KLHDC4: variants seen among roughly 807,000 people sequenced by gnomAD.
KLHDC4 encodes the protein kelch domain-containing protein 4.
In KLHDC4, 90 loss-of-function variants were observed where a neutral mutation model predicts 62.4. The ratio of observed to expected loss-of-function variants is 1.44; its 90% CI spans 1.22 to 1.72. The LOEUF (loss-of-function observed/expected upper bound fraction) is 1.72. Ranked by LOEUF, KLHDC4 falls within the 40% of genes most tolerant of loss-of-function variation. KLHDC4 has a pLI of 0.00. For missense variants in KLHDC4, 1,025 were observed against 699.7 expected (o/e 1.47, Z -5.25); for synonymous variants, 386 against 284.4 (o/e 1.36, Z -3.59).
At chr16:87,728,418 T>A (rs938329274) in intron 6 of KLHDC4, among the ~76,000 whole-genome samples, 8 of 152,204 alleles carry the variant, frequency 5.3e-5, no homozygotes, top group Non-Finnish European at 1.0e-4. Flanking sequence ...ATATTTTCTC[T>A]ATAAATGCAG....
At position 87,726,961 on chromosome 16, in the gene KLHDC4, A is replaced by G. The variant is rs371410291; in HGVS notation, c.600-37T>C. ...AACAGCAGCTGTCAGGGTCCGTAAC[A>G]TTGGGAAAAGCCCTGACATTAAAAA... On this transcript the variant is annotated intron_variant, in intron 6 of 11. Transcript: ENST00000270583. 1.1e-5 allele frequency: 18 copies of G among 1,607,452 alleles called. No homozygotes were observed. The African/African-American group carries it at 2.1e-4, about 19-fold the overall frequency.
intron 5 of KLHDC4, among the ~76,000 whole-genome samples, chr16:87,735,819 G>C (rs1264619411): frequency 6.6e-6 from 1 of 152,230 alleles, no homozygotes; most frequent in African/African-American, 2.4e-5. Flanking sequence ...TCGAGGCTCA[G>C]CAGCTGCGTG....
chr16:87,710,653 G>T (rs1456631993), intron 9 of KLHDC4: 1 of 152,984 alleles, frequency 6.5e-6, no homozygotes, highest in Non-Finnish European at 1.5e-5. Context: ...ACGAACCCGC[G>T]TGTTTTTCCA....
At chr16:87,719,994 C>T (rs1218597920) in intron 7 of KLHDC4, among the ~76,000 whole-genome samples, 1 of 152,236 alleles carries the variant, frequency 6.6e-6, no homozygotes, top group Non-Finnish European at 1.5e-5. Context: ...AGCCACATCC[C>T]CTGATGAGAC....
At chr16:87,698,261 C>CTGA (rs936608998) in exon 1 of KLHDC4, 5 of 152,294 alleles carry the variant, frequency 3.3e-5, no homozygotes, top group Admixed American at 1.3e-4. Context: ...TCATACATTT[C>CTGA]TGATAATGTC....
At chr16:87,749,231 T>C (rs1325632333) in intron 4 of KLHDC4, among the ~76,000 whole-genome samples, 3 of 152,020 alleles carry the variant, frequency 2.0e-5, no homozygotes, top group African/African-American at 7.2e-5. Flanking sequence ...CCAACTAAAT[T>C]AGCCTCAGAA....
intron 7 of KLHDC4, among the ~76,000 whole-genome samples, chr16:87,724,331 T>C (rs1203494236): frequency 6.6e-6 from 1 of 152,170 alleles, no homozygotes; most frequent in Non-Finnish European, 1.5e-5. Flanking sequence ...TCTTCCTGTA[T>C]CACAGACCGC....
chr16:87,737,215 G>T (rs1373473477), intron 5 of KLHDC4, among the ~76,000 whole-genome samples: 1 of 151,682 alleles, frequency 6.6e-6, no homozygotes, highest in African/African-American at 2.4e-5. Flanking sequence ...TGTTCTGGCT[G>T]TCAACACTGA....
intron 10 of KLHDC4, 183 bp from the exon 11 acceptor site, chr16:87,708,649 G>C (rs573709342): frequency 7.1e-5 from 31 of 434,658 alleles, no homozygotes; most frequent in Admixed American, 6.6e-4. Flanking sequence ...GTTCCCCTGG[G>C]CTTCAGGACA....
chr16:87,728,141 C>T (rs940789830), intron 6 of KLHDC4, among the ~76,000 whole-genome samples: 3 of 152,262 alleles, frequency 2.0e-5, no homozygotes, highest in Admixed American at 2.0e-4. Context: ...GAGCTGATCA[C>T]GCCACTGCAC....
At position 87,764,646 on chromosome 16, in the gene KLHDC4, C is replaced by CAAA. The variant is rs564692904; in HGVS notation, c.99+1143_99+1145dup. ...CTGGGCAACAAGAGTGAAACTCCTT[C>CAAA]AAAAAAAAAAAAAAAAAAAAAAAAA... On this transcript the variant is annotated intron_variant, in intron 1 of 11. Transcript: ENST00000270583. 1.1e-3 allele frequency among the ~76,000 whole-genome samples: 36 copies of CAAA among 33,836 alleles called. 4 individuals are homozygous for CAAA. The highest frequency in any genetic ancestry group is 1.6e-3 in the African/African-American group (16 of 9,902). The allele number at this position is 33,836 out of a possible 152,430, so 22.2% of individuals were successfully genotyped here. A position where few individuals can be genotyped will look rare whatever the true frequency, so the allele number is the denominator to read the frequency against.
chr16:87,730,718 CAAA>C lies in KLHDC4; in HGVS notation c.507-77_507-75del, dbSNP rs1597572148. On this transcript the variant is annotated intron_variant, in intron 5 of 11. Coordinates refer to ENST00000270583, the MANE Select transcript of KLHDC4 (RefSeq NM_017566.4). ...TTGTTCTAAAGACGACAACAACAAA[CAAA>C]ATCCAATTTTTACACTGATTTCTGT... The C allele has an allele frequency of 2.0e-5, 26 of 1,294,618 alleles. No homozygotes were observed. In the East Asian group the frequency reaches 6.1e-4, roughly 30 times the overall value. 80.2% of individuals were successfully genotyped at this position (1,294,618 alleles called of 1,614,324 possible).
At chr16:87,748,304 T>C (rs2043347075) in intron 5 of KLHDC4, among the ~76,000 whole-genome samples, 1 of 152,208 alleles carries the variant, frequency 6.6e-6, no homozygotes, top group Admixed American at 6.5e-5. Context: ...ACGTGCCTTT[T>C]AGTCAATGAC....
intron 7 of KLHDC4, among the ~76,000 whole-genome samples, chr16:87,723,642 T>C (rs544161297): frequency 1.3e-5 from 2 of 152,332 alleles, no homozygotes; most frequent in East Asian, 1.9e-4. Flanking sequence ...GAACAAAAGA[T>C]GACCAAGAAA....
intron 7 of KLHDC4, among the ~76,000 whole-genome samples, chr16:87,717,944 C>A (rs576307047): frequency 1.4e-3 from 208 of 152,288 alleles, no homozygotes; most frequent in African/African-American, 4.8e-3. Context: ...TACTTCCCCT[C>A]CAGACCATGC....
chr16:87,731,604 G>A (rs984886613), intron 5 of KLHDC4, among the ~76,000 whole-genome samples: 10 of 151,844 alleles, frequency 6.6e-5, no homozygotes, highest in South Asian at 6.3e-4. Flanking sequence ...AAGTGCTGGC[G>A]AGGACATGGG....
intron 7 of KLHDC4, among the ~76,000 whole-genome samples, chr16:87,719,172 C>G (rs1055133634): frequency 6.6e-6 from 1 of 152,208 alleles, no homozygotes; most frequent in Non-Finnish European, 1.5e-5. Context: ...GGAGGAGTAC[C>G]CAACAGCTCA....
chr16:87,759,513 G>A (rs955446654), intron 2 of KLHDC4, among the ~76,000 whole-genome samples: 48 of 152,104 alleles, frequency 3.2e-4, no homozygotes, highest in African/African-American at 1.0e-3. Flanking sequence ...TTGGGAGGCC[G>A]AGGTGGGTGG....
chr16:87,758,082 C>A (rs946948842), intron 2 of KLHDC4, among the ~76,000 whole-genome samples: 2 of 152,112 alleles, frequency 1.3e-5, no homozygotes, highest in African/African-American at 4.8e-5. Context: ...GTTTCAAGGT[C>A]AAGTGAGTTT....
Sources: gnomAD v4.1 joint callset for allele counts (sites outside exome capture counted in the v4.1 genomes callset) on GRCh38, gnomAD v4.1.1 for gene constraint, MANE v1.5 for transcripts, NCBI Gene and HGNC (gene_info 2026-07-23, HGNC 2026-07-21) for gene names.